Variants in RNF217 observed in about 807,000 individuals in gnomAD.
RNF217 encodes the protein E3 ubiquitin-protein ligase RNF217.
RNF217 carries 31 observed loss-of-function variants against 57.8 expected under a neutral mutation model. The ratio of observed to expected loss-of-function variants is 0.54; its 90% CI spans 0.40 to 0.72. RNF217 has a LOEUF of 0.72. RNF217 is among the 30% of genes least tolerant of loss of function. The probability of loss-of-function intolerance (pLI) is 0.00; values close to 1 mark genes in which losing one functional copy is unlikely to be tolerated. For synonymous variants in RNF217, 313 were observed against 294.0 expected (o/e 1.06, Z -0.66); for missense variants, 696 against 708.3 (o/e 0.98, Z 0.20).
At chr6:124,976,611 T>A (rs934853585) in intron 1 of RNF217, among the ~76,000 whole-genome samples, 1 of 151,842 alleles carries the variant, frequency 6.6e-6, no homozygotes, top group African/African-American at 2.4e-5. Flanking sequence ...GTGATTCTCT[T>A]GCCTCAGCCT....
rs920675461 is a variant in RNF217 at position 124,973,820 on chromosome 6, T to TA, written c.882+10403dup. Among the ~76,000 whole-genome samples, 271 of 151,238 alleles carry TA rather than the reference T, an allele frequency of 1.8e-3. 3 individuals are homozygous for TA. Among genetic ancestry groups the TA allele is most frequent in the East Asian group, 7.8e-4 (4 of 5,150 alleles). On this transcript the variant is annotated intron_variant, in intron 1 of 5. Coordinates refer to ENST00000521654, the MANE Select transcript of RNF217 (RefSeq NM_001286398.3). ...CAGATTCTTCCAGAACCTAGGAACA[T>TA]AAAAAAAAAGAACGATTTTATTTTG...
At chr6:125,041,514 G>C (rs142612590) in intron 1 of RNF217, among the ~76,000 whole-genome samples, 7 of 152,140 alleles carry the variant, frequency 4.6e-5, no homozygotes, top group African/African-American at 1.7e-4. Context: ...ATCTCATACT[G>C]TTCTCTCCCT....
chr6:125,037,423 T>A (rs1786682392), intron 1 of RNF217, among the ~76,000 whole-genome samples: 1 of 152,186 alleles, frequency 6.6e-6, no homozygotes, highest in African/African-American at 2.4e-5. Context: ...TTGGTATTGA[T>A]CACTTTTACT....
intron 1 of RNF217, among the ~76,000 whole-genome samples, chr6:124,981,144 G>GA (rs765062857): frequency 1.6e-4 from 24 of 152,010 alleles, no homozygotes; most frequent in Non-Finnish European, 2.5e-4. Context: ...TAATGTTTGT[G>GA]AAAAAATTGA....
rs143809554 is a variant in RNF217 at position 124,981,953 on chromosome 6, G to A, written c.882+18527G>A. ...TGAGGCAGAAGAACCACTTGAACCC[G>A]GGAGGCAGAGGTTGCAATGAACCGA... is the stretch of plus-strand genomic sequence containing the variant. On this transcript the variant is annotated intron_variant, in intron 1 of 5. Transcript: ENST00000521654. 2.4e-3 allele frequency among the ~76,000 whole-genome samples: 356 copies of A among 150,612 alleles called. 2 individuals are homozygous for A. The highest frequency in any genetic ancestry group is 8.1e-3 in the African/African-American group (330 of 40,922).
At chr6:125,004,325 T>C (rs1785090883) in intron 1 of RNF217, among the ~76,000 whole-genome samples, 1 of 152,152 alleles carries the variant, frequency 6.6e-6, no homozygotes, top group Admixed American at 6.5e-5. Context: ...GGTGCAACTT[T>C]CTCTCTCCTC....
intron 1 of RNF217, among the ~76,000 whole-genome samples, chr6:125,019,178 C>T (rs907852461): frequency 3.3e-5 from 5 of 152,202 alleles, no homozygotes; most frequent in African/African-American, 1.2e-4. Flanking sequence ...TTTCATGACA[C>T]CTCCACGAGG....
At chr6:125,061,031 T>G (rs1787711986) in intron 3 of RNF217, among the ~76,000 whole-genome samples, 1 of 152,190 alleles carries the variant, frequency 6.6e-6, no homozygotes, top group Non-Finnish European at 1.5e-5. Context: ...CCATGAACTG[T>G]GTAACACTTG....
chr6:125,016,785 G>C (rs78497861), intron 1 of RNF217, among the ~76,000 whole-genome samples: 114 of 152,016 alleles, frequency 7.5e-4, no homozygotes, highest in South Asian at 2.1e-3. Context: ...GGCCTGTGAG[G>C]GGGTGGGGGG....
chr6:125,047,569 C>T (rs753488523), intron 2 of RNF217, among the ~76,000 whole-genome samples: 16 of 152,080 alleles, frequency 1.1e-4, no homozygotes, highest in Non-Finnish European at 2.1e-4. Context: ...AATGGACCAA[C>T]ATCTTAAATT....
chr6:125,067,092 A>C (rs934661945), intron 3 of RNF217, among the ~76,000 whole-genome samples: 17 of 152,206 alleles, frequency 1.1e-4, no homozygotes, highest in African/African-American at 4.1e-4. Context: ...GGATTATGGC[A>C]TGATGAAAGG....
At chr6:125,042,905 T>C (rs1786940782) in intron 1 of RNF217, among the ~76,000 whole-genome samples, 1 of 152,106 alleles carries the variant, frequency 6.6e-6, no homozygotes, top group East Asian at 1.9e-4. Context: ...ATTCAGGCTC[T>C]TAATCACAGA....
chr6:124,975,605 T>C (rs1783927091), intron 1 of RNF217, among the ~76,000 whole-genome samples: 1 of 152,100 alleles, frequency 6.6e-6, no homozygotes, highest in Non-Finnish European at 1.5e-5. Flanking sequence ...TAATTATTTT[T>C]TGTTTGTTTT....
chr6:125,001,727 C>T (rs1331522799), intron 1 of RNF217, among the ~76,000 whole-genome samples: 2 of 152,198 alleles, frequency 1.3e-5, no homozygotes, highest in Non-Finnish European at 2.9e-5. Flanking sequence ...GTGATAGGAA[C>T]ACATTGTAAT....
chr6:125,016,290 C>T (rs1785599319), intron 1 of RNF217, among the ~76,000 whole-genome samples: 1 of 152,088 alleles, frequency 6.6e-6, no homozygotes. Flanking sequence ...ATTTAGAGCA[C>T]TCGAATTTTA....
intron 1 of RNF217, among the ~76,000 whole-genome samples, chr6:124,970,499 G>A (rs925286704): frequency 6.6e-6 from 1 of 152,218 alleles, no homozygotes; most frequent in African/African-American, 2.4e-5. Context: ...ATGAGGAATA[G>A]TGTAGGAGGA....
chr6:124,963,315 C>G lies in RNF217; in HGVS notation c.771C>G (p.Pro257=), dbSNP rs1417956611. The part of the protein sequence containing the change: ...GLGGVGDPYV[P]LMVLMCRVCL... ...GCGGTGTAGGGGATCCCTATGTGCC[C>G]CTCATGGTGCTGATGTGCCGGGTGT... Residue 257 remains proline (P), a synonymous_variant, in exon 1 of 6, where the codon CCC becomes CCG. Coordinates refer to ENST00000521654, the MANE Select transcript of RNF217 (RefSeq NM_001286398.3). 2.0e-6 allele frequency: 3 copies of G among 1,535,516 alleles called. No homozygotes were observed. In the East Asian group the frequency reaches 7.3e-5, roughly 38 times the overall value.
intron 1 of RNF217, among the ~76,000 whole-genome samples, chr6:125,011,184 C>A (rs1785400798): frequency 6.6e-6 from 1 of 152,092 alleles, no homozygotes; most frequent in Non-Finnish European, 1.5e-5. Flanking sequence ...CTAAGGCTGA[C>A]TCCATAATAA....
chr6:124,992,888 C>G (rs754178282), intron 1 of RNF217, among the ~76,000 whole-genome samples: 24 of 151,968 alleles, frequency 1.6e-4, no homozygotes, highest in Middle Eastern at 3.4e-3. Context: ...CATCTTTTAC[C>G]TAAAACGATT....
Sources: gnomAD v4.1 joint callset for allele counts (sites outside exome capture counted in the v4.1 genomes callset) on GRCh38, gnomAD v4.1.1 for gene constraint, MANE v1.5 for transcripts, NCBI Gene and HGNC (gene_info 2026-07-23, HGNC 2026-07-21) for gene names.